Variants in ATM observed in about 807,000 individuals in gnomAD.
ATM encodes serine-protein kinase ATM.
Under a neutral mutation model 387.0 loss-of-function variants are expected in ATM, and 308 were observed. That is an observed-to-expected ratio of 0.80 (90% CI 0.73 to 0.87). The LOEUF (loss-of-function observed/expected upper bound fraction) is 0.87, where lower values mean the gene tolerates loss of function less well. Among genes scored for constraint, ATM ranks in the 40% least tolerant of loss-of-function variants. The probability of loss-of-function intolerance (pLI) is 0.00; values close to 1 mark genes in which losing one functional copy is unlikely to be tolerated. For missense variants in ATM, 3,312 were observed against 3,560.9 expected (o/e 0.93, Z 1.78); for synonymous variants, 1,156 against 1,187.3 (o/e 0.97, Z 0.54).
chr11:108,270,776 A>G (rs1439650716), intron 18 of ATM, among the ~76,000 whole-genome samples: 1 of 152,054 alleles, frequency 6.6e-6, no homozygotes, highest in Non-Finnish European at 1.5e-5. Flanking sequence ...GCTCACTGCA[A>G]CCTTCGCCTC....
Position 108,301,688 on chromosome 11 carries a change from A to G in ATM, c.5218A>G (p.Ile1740Val), listed in dbSNP as rs1358200819. The G allele has an allele frequency of 6.2e-7, 1 of 1,613,646 alleles. No individual in the cohort carries two copies. The highest frequency in any genetic ancestry group is 8.5e-7 in the Non-Finnish European group (1 of 1,179,790). Residue 1740 changes from isoleucine (I) to valine (V), a missense_variant, in exon 35 of 63, where the codon ATT becomes GTT. Physicochemically the swap from Ile to Val is conservative, Grantham distance 29 (BLOSUM62 3). Transcript: ENST00000675843. The part of the protein sequence containing the change: ...RSAAVTCLKN[I>V]LATKTGHSFW... Reference sequence around the variant, plus strand: ...AGCAGCTGTTACCTGTTTGAAAAACATTTTAGCCACAAAGACTGGACATAG... The same window carrying G: ...AGCAGCTGTTACCTGTTTGAAAAACGTTTTAGCCACAAAGACTGGACATAG...
rs1354941477 is a variant in ATM at position 108,315,460 on chromosome 11, A to G, written c.6007-363A>G. On this transcript the variant is annotated intron_variant, in intron 40 of 62. Transcript: ENST00000675843. The stretch of plus-strand genomic sequence containing the variant: ...AATGTATCATATCAAATGTATACAA[A>G]TGATGGAATGTGTAGACTAGTTGTA... Among the ~76,000 whole-genome samples the G allele has an allele frequency of 2.0e-5, 3 of 152,324 alleles. No individual in the cohort carries two copies. The East Asian group carries it at 5.8e-4, about 29-fold the overall frequency.
chr11:108,253,120 A>T (rs191036264), intron 12 of ATM, among the ~76,000 whole-genome samples: 2 of 152,286 alleles, frequency 1.3e-5, no homozygotes, highest in East Asian at 3.9e-4. Flanking sequence ...CTATTTTTTA[A>T]TGCTGTATAG....
At chr11:108,319,145 C>G (rs1399631330) in intron 43 of ATM, among the ~76,000 whole-genome samples, 1 of 152,148 alleles carries the variant, frequency 6.6e-6, no homozygotes, top group African/African-American at 2.4e-5. Context: ...CCACTGCACT[C>G]CATCCTAGGC....
At chr11:108,334,491 TAA>T (rs1565539733) in intron 54 of ATM, among the ~76,000 whole-genome samples, 1 of 152,190 alleles carries the variant, frequency 6.6e-6, no homozygotes, top group Admixed American at 6.5e-5. Flanking sequence ...GGGATATATG[TAA>T]TAAGGGTTAT....
intron 5 of ATM, among the ~76,000 whole-genome samples, chr11:108,239,463 C>T (rs1217776624): frequency 3.3e-5 from 5 of 152,306 alleles, no homozygotes; most frequent in African/African-American, 1.2e-4. Context: ...AGTGTTACAG[C>T]TTTTGTCAGA....
intron 61 of ATM, among the ~76,000 whole-genome samples, chr11:108,361,848 G>A (rs1370963490): frequency 6.6e-6 from 1 of 151,824 alleles, no homozygotes; most frequent in African/African-American, 2.4e-5. Context: ...AAAAACCCTA[G>A]AAGAAAACCT....
chr11:108,274,259 CTT>C (rs2081796911), intron 22 of ATM, among the ~76,000 whole-genome samples: 1 of 152,022 alleles, frequency 6.6e-6, no homozygotes, highest in South Asian at 2.1e-4. Context: ...ATTCTTCTCT[CTT>C]TATTAGTCTT....
chr11:108,284,147 A>G (rs1447978154), intron 25 of ATM, 80 bp from the exon 26 acceptor site: 2 of 1,131,608 alleles, frequency 1.8e-6, no homozygotes, highest in Non-Finnish European at 2.5e-6. Flanking sequence ...TGGTATTAAA[A>G]CAGTTTTTAA....
At position 108,304,699 on chromosome 11, in the gene ATM, G is replaced by C. The variant is rs1565481593; in HGVS notation, c.5521G>C (p.Val1841Leu). ...CEVKTDFCQTVLPYLIHDILL... is the reference protein window; with the variant it reads ...CEVKTDFCQTLLPYLIHDILL... Reference sequence around the variant, plus strand: ...GGTGAAAACTGACTTTTGTCAGACTGTACTTCCATACTTGATTCATGATAT... The same window carrying C: ...GGTGAAAACTGACTTTTGTCAGACTCTACTTCCATACTTGATTCATGATAT... The change falls in exon 37 of 63, where the codon GTA becomes CTA. Residue 1841 changes from valine (V) to leucine (L), a missense_variant. By Grantham distance (32) the Val-to-Leu change is conservative. Transcript: ENST00000675843. 6.2e-7 allele frequency: 1 copy of C among 1,613,858 alleles called. No individual in the cohort carries two copies. Among genetic ancestry groups the C allele is most frequent in the Non-Finnish European group, 8.5e-7 (1 of 1,179,922 alleles).
intron 23 of ATM, among the ~76,000 whole-genome samples, chr11:108,280,763 T>C (rs191631218): frequency 6.6e-6 from 1 of 152,310 alleles, no homozygotes; most frequent in African/African-American, 2.4e-5. Context: ...GATGAAGGAA[T>C]TGACTTAGTG....
intron 40 of ATM, among the ~76,000 whole-genome samples, chr11:108,315,318 TTTG>T (rs1421735925): frequency 6.6e-6 from 1 of 152,236 alleles, no homozygotes; most frequent in African/African-American, 2.4e-5. Flanking sequence ...CATCTTTACA[TTTG>T]TTTATATTTG....
rs1591712872 is a variant in ATM, at chr11:108,302,997, G to A, written c.5464G>A (p.Glu1822Lys). ...TTTGGACAGTGGAGGCACAAAATGT[G>A]AAATTCTTCAATTATTAAAGCCAAT... is the stretch of plus-strand genomic sequence containing the variant. ...AFLDSGGTKC[E>K]ILQLLKPMCE... The change falls in exon 36 of 63, where the codon GAA becomes AAA. Residue 1822 changes from glutamate (E) to lysine (K), a missense_variant. Around this residue, in one of 4 missense-constraint regions of ATM, gnomAD observed 1,405 missense variants for 1,604.4 expected, o/e 0.88. Transcript: ENST00000675843. The A allele has an allele frequency of 6.2e-7, 1 of 1,613,268 alleles. No homozygotes were observed.
Position 108,275,674 on chromosome 11 carries a change from G to A in ATM, c.3284+2822G>A, listed in dbSNP as rs372193384. ...GGGTTGAAAATTATTTTCTTTAAGA[G>A]TGTTGAATATTGGCCCCCACTCTCT... is the stretch of plus-strand genomic sequence containing the variant. On this transcript the variant is annotated intron_variant, in intron 22 of 62. Coordinates refer to ENST00000675843, the MANE Select transcript of ATM (RefSeq NM_000051.4). 3.6e-3 allele frequency among the ~76,000 whole-genome samples: 545 copies of A among 152,272 alleles called. 1 individual carries two copies. The highest frequency in any genetic ancestry group is 0.012 in the African/African-American group (518 of 41,564).
chr11:108,246,912 G>A, intron 7 of ATM, 52 bp from the exon 8 acceptor site: 5 of 1,455,678 alleles, frequency 3.4e-6, no homozygotes, highest in Non-Finnish European at 4.8e-6. Context: ...GGAGCTAGCA[G>A]TGTAAACAGA....
chr11:108,250,769 TA>T lies in ATM; in HGVS notation c.1305del (p.Leu435PhefsTer2), dbSNP rs1555070719. 6.2e-7 allele frequency: 1 copy of T among 1,613,772 alleles called. No homozygotes were observed. The highest frequency in any genetic ancestry group is 8.5e-7 in the Non-Finnish European group (1 of 1,179,966). ...TTACCTAACTGTGAGCTGTCTCCATTACTGATGATACTATCTCAGCTTCTAC... is the reference window on the plus strand; with the variant it reads ...TTACCTAACTGTGAGCTGTCTCCATTCTGATGATACTATCTCAGCTTCTAC... ...ASLPNCELSP[L>X]LMILSQLLPQ... On this transcript the variant is annotated frameshift_variant, in exon 10 of 63. Coordinates refer to ENST00000675843, the MANE Select transcript of ATM (RefSeq NM_000051.4). LOFTEE classifies it high-confidence loss of function.
At chr11:108,320,271 A>G (rs1412494538) in intron 44 of ATM, among the ~76,000 whole-genome samples, 3 of 152,184 alleles carry the variant, frequency 2.0e-5, no homozygotes, top group African/African-American at 7.2e-5. Context: ...TGACCCTTCA[A>G]GAAAGTTTTG....
At chr11:108,258,877 A>G in intron 15 of ATM, 109 bp from the exon 16 acceptor site, 1 of 834,014 alleles carries the variant, frequency 1.2e-6, no homozygotes, top group South Asian at 1.4e-5. Context: ...ATTGGCCCTA[A>G]TAGTAAACTA....
intron 16 of ATM, 51 bp downstream of exon 16, chr11:108,259,126 T>C: frequency 7.0e-7 from 1 of 1,426,658 alleles, no homozygotes; most frequent in African/African-American, 1.4e-5. Context: ...ATAGGCATAA[T>C]TTTTTTGTTG....
Sources: allele counts gnomAD v4.1 joint callset (sites outside exome capture counted in the v4.1 genomes callset), GRCh38; gene constraint gnomAD v4.1.1; regional missense constraint gnomAD v4.1.1; transcripts MANE v1.5; gene names NCBI Gene and HGNC (gene_info 2026-07-23, HGNC 2026-07-21).